DLGAP2: variants seen among roughly 807,000 people sequenced by gnomAD.
The protein encoded by DLGAP2 is DLG associated protein 2.
A neutral mutation model predicts 100.3 loss-of-function variants in DLGAP2; 26 were observed. The observed-to-expected ratio is 0.26, with a 90% confidence interval of 0.19 to 0.36. DLGAP2 has a LOEUF of 0.36. Ranked by LOEUF, DLGAP2 falls within the 10% of genes least tolerant of loss-of-function variation. The pLI is 1.00. For missense variants in DLGAP2, 1,858 were observed against 1,453.2 expected (o/e 1.28, Z -4.53); for synonymous variants, 886 against 630.1 (o/e 1.41, Z -6.08).
chr8:1,492,821 C>G (rs112860651), intron 3 of DLGAP2, among the ~76,000 whole-genome samples: 4 of 152,206 alleles, frequency 2.6e-5, no homozygotes, highest in Admixed American at 2.0e-4. Context: ...GGGCTGTGTA[C>G]GACCACGGAG....
intron 2 of DLGAP2, among the ~76,000 whole-genome samples, chr8:1,245,062 A>G (rs375789887): frequency 6.5e-4 from 99 of 152,226 alleles, no homozygotes; most frequent in African/African-American, 2.3e-3. Flanking sequence ...CCCACGTGTT[A>G]GGATGGCCAT....
chr8:1,026,449 G>A (rs898319732), intron 2 of DLGAP2, among the ~76,000 whole-genome samples: 1 of 152,134 alleles, frequency 6.6e-6, no homozygotes, highest in Non-Finnish European at 1.5e-5. Flanking sequence ...CTTGCACTGG[G>A]CCCCGGCTGC....
chr8:878,254 T>C (rs1159694008), intron 1 of DLGAP2, among the ~76,000 whole-genome samples: 2 of 152,126 alleles, frequency 1.3e-5, no homozygotes, highest in Non-Finnish European at 2.9e-5. Context: ...AGAAACAAAT[T>C]CTTTTAGGAG....
chr8:971,653 T>C (rs904935900), intron 2 of DLGAP2, among the ~76,000 whole-genome samples: 4 of 152,196 alleles, frequency 2.6e-5, no homozygotes, highest in Admixed American at 6.5e-5. Context: ...GTGAAGATCA[T>C]AGAAAAATAC....
intron 4 of DLGAP2, among the ~76,000 whole-genome samples, chr8:1,531,615 A>C (rs1800992808): frequency 6.6e-6 from 1 of 152,202 alleles, no homozygotes; most frequent in Non-Finnish European, 1.5e-5. Flanking sequence ...GTCTCAAAAT[A>C]AAGTAGATAT....
chr8:1,701,191 G>A lies in DLGAP2; in HGVS notation c.2953G>A (p.Glu985Lys). The A allele has an allele frequency of 1.3e-6, 2 of 1,558,432 alleles. No individual in the cohort carries two copies. Among genetic ancestry groups the A allele is most frequent in the Non-Finnish European group, 1.7e-6 (2 of 1,152,414 alleles). Reference protein sequence around the residue: ...KMMESPERKEERKVPPPIPKK... With the variant: ...KMMESPERKEKRKVPPPIPKK... ...GGTGACTTGCGCTGCTTTTCAGGAA[G>A]AAAGAAAGGTCCCGCCTCCAATACC... The change falls in exon 15 of 15, where the codon GAA becomes AAA. Residue 985 changes from glutamate to lysine, a missense_variant. Coordinates refer to ENST00000637795, the MANE Select transcript of DLGAP2 (RefSeq NM_001346810.2).
chr8:1,053,151 T>C (rs955141619), intron 2 of DLGAP2, among the ~76,000 whole-genome samples: 1 of 152,212 alleles, frequency 6.6e-6, no homozygotes, highest in Non-Finnish European at 1.5e-5. Flanking sequence ...CTTTGTAATT[T>C]TGGGTTATTT....
At chr8:1,604,424 T>C (rs1796727685) in intron 6 of DLGAP2, 1 of 152,212 alleles carries the variant, frequency 6.6e-6, no homozygotes, top group South Asian at 2.1e-4. Context: ...GTCTGGCCCA[T>C]AGACCACCAG....
intron 6 of DLGAP2, among the ~76,000 whole-genome samples, chr8:1,566,153 A>G (rs1272271862): frequency 1.3e-5 from 2 of 152,218 alleles, no homozygotes; most frequent in Admixed American, 6.5e-5. Context: ...AACATGAGCC[A>G]TCGTATCTTT....
chr8:1,260,401 C>T (rs1799322011), intron 3 of DLGAP2, among the ~76,000 whole-genome samples: 1 of 152,112 alleles, frequency 6.6e-6, no homozygotes, highest in Admixed American at 6.5e-5. Context: ...TCTTCGTCTA[C>T]TTGTTTCTAA....
At position 1,701,283 on chromosome 8, in the gene DLGAP2, A is replaced by G. The variant is rs1188559587; in HGVS notation, c.3045A>G (p.Gln1015=). ...AATCCCTGGACCTGCCCGACAGACA[A>G]CGCCAGGAAGCCCGGAGGCGCCTCA... is the stretch of plus-strand genomic sequence containing the variant. ...REKSLDLPDR[Q]RQEARRRLMA... is the part of the protein sequence containing the mutation. Residue 1015 remains glutamine, a synonymous_variant, in exon 15 of 15, where the codon CAA becomes CAG. Transcript: ENST00000637795. 1.9e-6 allele frequency: 3 copies of G among 1,585,024 alleles called. No homozygotes were observed. The highest frequency in any genetic ancestry group is 1.7e-6 in the Non-Finnish European group (2 of 1,166,458).
chr8:873,969 T>G (rs1030762943), intron 1 of DLGAP2, among the ~76,000 whole-genome samples: 2 of 152,136 alleles, frequency 1.3e-5, no homozygotes. Context: ...ATGTGTCCAT[T>G]TCATCTTAGG....
chr8:1,241,603 C>A (rs1798798561), intron 2 of DLGAP2, among the ~76,000 whole-genome samples: 2 of 152,204 alleles, frequency 1.3e-5, no homozygotes, highest in Non-Finnish European at 2.9e-5. Context: ...CTTCTAGAGA[C>A]TTTTCACTCC....
At chr8:1,307,220 G>C (rs1800511825) in intron 3 of DLGAP2, among the ~76,000 whole-genome samples, 1 of 151,992 alleles carries the variant, frequency 6.6e-6, no homozygotes, top group Non-Finnish European at 1.5e-5. Context: ...ATGGGCAAAG[G>C]ACTTGGATAT....
At chr8:1,432,785 A>G (rs567055320) in intron 3 of DLGAP2, among the ~76,000 whole-genome samples, 1 of 152,106 alleles carries the variant, frequency 6.6e-6, no homozygotes, top group East Asian at 1.9e-4. Context: ...GATTCCCGCG[A>G]TCGCGTGTTT....
chr8:1,596,018 C>T (rs2130688514), intron 6 of DLGAP2, among the ~76,000 whole-genome samples: 1 of 151,106 alleles, frequency 6.6e-6, no homozygotes, highest in East Asian at 2.0e-4. Context: ...GCTATCCCTC[C>T]CCTAGCTCCC....
chr8:740,875 A>G (rs2132556056), intron 1 of DLGAP2, among the ~76,000 whole-genome samples: 1 of 152,306 alleles, frequency 6.6e-6, no homozygotes, highest in South Asian at 2.1e-4. Flanking sequence ...CTCAGGATGG[A>G]TGCTCCATGG....
chr8:741,218 C>G (rs2132556529), intron 1 of DLGAP2, among the ~76,000 whole-genome samples: 1 of 152,312 alleles, frequency 6.6e-6, no homozygotes, highest in African/African-American at 2.4e-5. Context: ...AGCAGATGGG[C>G]TTTGGCATTG....
chr8:1,519,494 C>G (rs891049735), intron 4 of DLGAP2, among the ~76,000 whole-genome samples: 4 of 152,168 alleles, frequency 2.6e-5, no homozygotes, highest in African/African-American at 9.7e-5. Flanking sequence ...CTTTTCAAGT[C>G]AATACTTTAT....
Sources: allele counts gnomAD v4.1 joint callset (sites outside exome capture counted in the v4.1 genomes callset), GRCh38; gene constraint gnomAD v4.1.1; transcripts MANE v1.5; gene names NCBI Gene and HGNC (gene_info 2026-07-23, HGNC 2026-07-21).